USH2A: variants seen among roughly 807,000 people sequenced by gnomAD.
The protein encoded by USH2A is usherin.
A neutral mutation model predicts 538.9 loss-of-function variants in USH2A; 443 were observed. That is an observed-to-expected ratio of 0.82 (90% confidence interval 0.76 to 0.89). USH2A has a LOEUF of 0.89. Ranked by LOEUF, USH2A falls within the 40% of genes least tolerant of loss-of-function variation. The pLI, the probability that USH2A is intolerant of heterozygous loss-of-function variation, is 0.00. For missense variants in USH2A, 6,633 were observed against 6,324.8 expected, an observed-to-expected ratio of 1.05 and a Z score of -1.65; for synonymous variants, 2,413 against 2,273.5, an observed-to-expected ratio of 1.06 and a Z score of -1.75.
At chr1:216,199,205 G>A (rs1169493414) in intron 17 of USH2A, among the ~76,000 whole-genome samples, 1 of 152,114 alleles carries the variant, frequency 6.6e-6, no homozygotes, top group Non-Finnish European at 1.5e-5. Context: ...TAACTTAATG[G>A]AGTCAGTTAG....
chr1:215,751,721 T>C (rs1040266568), intron 58 of USH2A, among the ~76,000 whole-genome samples: 1 of 152,146 alleles, frequency 6.6e-6, no homozygotes, highest in African/African-American at 2.4e-5. Flanking sequence ...CCTGACCCAA[T>C]GTTGAGAGCT....
At chr1:215,876,252 C>T (rs74868362) in intron 43 of USH2A, among the ~76,000 whole-genome samples, 12 of 152,080 alleles carry the variant, frequency 7.9e-5, no homozygotes. Context: ...TAGTAATTGA[C>T]CAATCTTCAC....
chr1:216,280,989 C>T (rs140320485), intron 11 of USH2A, among the ~76,000 whole-genome samples: 76 of 152,288 alleles, frequency 5.0e-4, no homozygotes, highest in African/African-American at 1.8e-3. Flanking sequence ...ATAATTCTGA[C>T]ACTGTTGACA....
chr1:216,057,194 C>T (rs967156922), intron 30 of USH2A, among the ~76,000 whole-genome samples: 2 of 152,058 alleles, frequency 1.3e-5, no homozygotes, highest in African/African-American at 4.8e-5. Context: ...GTAGTTCAGG[C>T]ACATTATGTA....
chr1:216,382,843 A>G (rs933018683), intron 3 of USH2A, among the ~76,000 whole-genome samples: 3 of 152,196 alleles, frequency 2.0e-5, no homozygotes, highest in Admixed American at 2.0e-4. Context: ...CTTCTTATGT[A>G]TCTTGGACAT....
At chr1:216,251,861 C>G (rs1351941450) in intron 11 of USH2A, among the ~76,000 whole-genome samples, 2 of 152,080 alleles carry the variant, frequency 1.3e-5, no homozygotes, top group African/African-American at 2.4e-5. Flanking sequence ...ATCCCATAAA[C>G]AGTGTAACAA....
At chr1:216,043,146 A>AT (rs1436013162) in intron 32 of USH2A, among the ~76,000 whole-genome samples, 1 of 152,116 alleles carries the variant, frequency 6.6e-6, no homozygotes, top group Non-Finnish European at 1.5e-5. Flanking sequence ...AACAAGCAGA[A>AT]TGTATAGAAA....
chr1:215,767,456 T>C (rs1258344936), intron 55 of USH2A, among the ~76,000 whole-genome samples: 1 of 152,204 alleles, frequency 6.6e-6, no homozygotes, highest in Non-Finnish European at 1.5e-5. Context: ...AACCTTGCAC[T>C]GTATCTAATG....
At chr1:215,980,640 C>T (rs1667729499) in intron 35 of USH2A, among the ~76,000 whole-genome samples, 1 of 152,076 alleles carries the variant, frequency 6.6e-6, no homozygotes, top group Admixed American at 6.6e-5. Flanking sequence ...TGCTTTTCTA[C>T]TGAGAAATGC....
chr1:216,214,146 T>C (rs1450742235), intron 15 of USH2A, among the ~76,000 whole-genome samples: 3 of 152,050 alleles, frequency 2.0e-5, no homozygotes, highest in African/African-American at 7.2e-5. Flanking sequence ...GGCAGTTTCC[T>C]AAAACATTAA....
intron 55 of USH2A, among the ~76,000 whole-genome samples, chr1:215,776,489 G>C (rs780453124): frequency 6.6e-6 from 1 of 152,048 alleles, no homozygotes; most frequent in African/African-American, 2.4e-5. Flanking sequence ...AAAGCTTTGA[G>C]GTAATTAAAA....
At chr1:215,639,329 G>T in intron 68 of USH2A, 91 bp from the exon 69 acceptor site, 1 of 1,213,358 alleles carries the variant, frequency 8.2e-7, no homozygotes, top group Non-Finnish European at 1.2e-6. Flanking sequence ...ATCATAGCAT[G>T]AAAAATAGGA....
intron 21 of USH2A, among the ~76,000 whole-genome samples, chr1:216,144,864 A>T (rs2033665115): frequency 6.6e-6 from 1 of 152,214 alleles, no homozygotes; most frequent in African/African-American, 2.4e-5. Flanking sequence ...TCAGGTCTTC[A>T]ACTTCCATTC....
intron 32 of USH2A, among the ~76,000 whole-genome samples, chr1:216,046,048 T>TGTGTGTGC (rs1553294045): frequency 1.4e-5 from 2 of 144,266 alleles, no homozygotes; most frequent in East Asian, 4.0e-4. Flanking sequence ...TGTGTGTGTG[T>TGTGTGTGC]GTGCAGTCAC....
chr1:215,995,972 CA>C (rs1668125729), intron 34 of USH2A, among the ~76,000 whole-genome samples: 1 of 151,986 alleles, frequency 6.6e-6, no homozygotes, highest in South Asian at 2.1e-4. Flanking sequence ...AGTGCAGTGG[CA>C]GATCTCAGAT....
chr1:216,033,202 T>C (rs926533197), intron 32 of USH2A, among the ~76,000 whole-genome samples: 5 of 152,210 alleles, frequency 3.3e-5, no homozygotes, highest in African/African-American at 1.2e-4. Context: ...AAGGAAACTC[T>C]GTGGACCAAA....
intron 61 of USH2A, among the ~76,000 whole-genome samples, chr1:215,683,482 T>C (rs965072310): frequency 2.0e-5 from 3 of 152,210 alleles, no homozygotes; most frequent in Non-Finnish European, 4.4e-5. Flanking sequence ...GCTGCAAAAT[T>C]TGGATGCAGT....
chr1:215,638,955 G>A (rs1279462700), intron 69 of USH2A, among the ~76,000 whole-genome samples, 200 bp downstream of exon 69: 2 of 150,252 alleles, frequency 1.3e-5, no homozygotes, highest in African/African-American at 4.9e-5. Flanking sequence ...TCCAGCCTGA[G>A]TGACAGAGCA....
At chr1:216,030,888 T>C (rs551852321) in intron 32 of USH2A, among the ~76,000 whole-genome samples, 79 of 151,628 alleles carry the variant, frequency 5.2e-4, no homozygotes, top group Middle Eastern at 3.4e-3. Context: ...AATTTTGTCC[T>C]TTAGGGAACC....
Sources: allele counts gnomAD v4.1 joint callset (sites outside exome capture counted in the v4.1 genomes callset), GRCh38; gene constraint gnomAD v4.1.1; transcripts MANE v1.5; gene names NCBI Gene and HGNC (gene_info 2026-07-23, HGNC 2026-07-21).